ADAM32: variants seen among roughly 807,000 people sequenced by gnomAD.
ADAM32 encodes the protein disintegrin and metalloproteinase domain-containing protein 32.
In ADAM32, 89 loss-of-function variants were observed where a neutral mutation model predicts 114.9. The observed-to-expected ratio is 0.77, with a 90% CI of 0.65 to 0.92. ADAM32 has a LOEUF of 0.92. Ranked by LOEUF, ADAM32 falls within the 40% of genes least tolerant of loss-of-function variation. The probability of loss-of-function intolerance (pLI) is 0.00; values close to 1 mark genes in which losing one functional copy is unlikely to be tolerated. For synonymous variants in ADAM32, 285 were observed against 307.5 expected (o/e 0.93, Z 0.77); for missense variants, 870 against 932.8 (o/e 0.93, Z 0.88).
chr8:39,246,978 T>A (rs1810973110), intron 17 of ADAM32, among the ~76,000 whole-genome samples: 2 of 152,208 alleles, frequency 1.3e-5, no homozygotes, highest in Non-Finnish European at 2.9e-5. Flanking sequence ...GATTGGTTTC[T>A]TTCACTTAGT....
At chr8:39,244,050 C>T (rs1196911921) in intron 16 of ADAM32, among the ~76,000 whole-genome samples, 2 of 151,956 alleles carry the variant, frequency 1.3e-5, no homozygotes, top group East Asian at 3.9e-4. Context: ...GCAACAAAAC[C>T]CCCCAATATA....
chr8:39,215,474 A>G (rs1255147508), intron 12 of ADAM32, among the ~76,000 whole-genome samples: 2 of 151,922 alleles, frequency 1.3e-5, no homozygotes, highest in African/African-American at 4.8e-5. Context: ...CAGATTGTTC[A>G]CTGTTACCAT....
At chr8:39,254,814 C>T (rs948496442) in intron 18 of ADAM32, among the ~76,000 whole-genome samples, 1 of 151,592 alleles carries the variant, frequency 6.6e-6, no homozygotes. Flanking sequence ...CAGCCATCAC[C>T]CAAGCAGTGT....
intron 22 of ADAM32, among the ~76,000 whole-genome samples, chr8:39,278,161 G>A (rs905043689): frequency 2.0e-5 from 3 of 152,140 alleles, no homozygotes; most frequent in African/African-American, 7.2e-5. Flanking sequence ...CTGAAGTTAT[G>A]CCATCAAGCT....
Position 39,281,161 on chromosome 8 carries a change from G to A in ADAM32, c.2305G>A (p.Ala769Thr). ...ATCCAAATCAGAAGATAGTGCTGAA[G>A]CATATACTAGCAGGTAAGCAGGATA... ...SKSKSEDSAE[A>T]YTSRSKSQDS... Residue 769 changes from alanine to threonine, a missense_variant, in exon 23 of 25, where the codon GCA (alanine) becomes ACA (threonine). Coordinates refer to ENST00000379907, the MANE Select transcript of ADAM32 (RefSeq NM_145004.7). 7.3e-7 allele frequency: 1 copy of A among 1,373,790 alleles called. No individual in the cohort carries two copies. Among genetic ancestry groups the A allele is most frequent in the Non-Finnish European group, 9.6e-7 (1 of 1,040,830 alleles). 85.1% of individuals were successfully genotyped at this position (1,373,790 alleles called of 1,614,324 possible). A position where few individuals can be genotyped will look rare whatever the true frequency, so the allele number is the denominator to read the frequency against.
chr8:39,283,713 A>C, intron 24 of ADAM32, 89 bp downstream of exon 24: 1 of 1,036,436 alleles, frequency 9.6e-7, no homozygotes, highest in Non-Finnish European at 1.4e-6. Context: ...CTAAGTATGG[A>C]CTGGGTAGAT....
intron 7 of ADAM32, 61 bp from the exon 8 acceptor site, chr8:39,164,703 G>C: frequency 7.6e-7 from 1 of 1,318,204 alleles, no homozygotes; most frequent in Non-Finnish European, 1.0e-6. Flanking sequence ...AGATGGAAAA[G>C]AATCTTAAAA....
At chr8:39,200,178 G>A (rs1278978413) in intron 11 of ADAM32, among the ~76,000 whole-genome samples, 16 of 152,196 alleles carry the variant, frequency 1.1e-4, no homozygotes, top group African/African-American at 3.9e-4. Flanking sequence ...CTAGTTCTAG[G>A]TCCTTGAGGA....
chr8:39,232,108 A>G lies in ADAM32; in HGVS notation c.1607A>G (p.Asn536Ser), dbSNP rs1316904852. Residue 536 changes from asparagine (N) to serine (S), a missense_variant, in exon 15 of 25, where the codon AAT becomes AGT. Coordinates refer to ENST00000379907, the MANE Select transcript of ADAM32 (RefSeq NM_145004.7). ...DRFGNCGRDR[N>S]NKYVFCGWRN... ...TTTGGGAACTGTGGTAGGGATAGAA[A>G]TAACAAATATGTGTTCTGTGGATGG... 5.6e-6 allele frequency: 9 copies of G among 1,607,298 alleles called. No homozygotes were observed. Among genetic ancestry groups the G allele is most frequent in the Non-Finnish European group, 7.7e-6 (9 of 1,174,414 alleles).
chr8:39,227,837 C>G (rs1032719636), intron 14 of ADAM32, among the ~76,000 whole-genome samples: 1 of 152,180 alleles, frequency 6.6e-6, no homozygotes, highest in African/African-American at 2.4e-5. Context: ...AGCTGATGCT[C>G]TCTGGAAAGG....
chr8:39,191,176 C>T (rs1806580761), intron 11 of ADAM32, among the ~76,000 whole-genome samples: 1 of 152,174 alleles, frequency 6.6e-6, no homozygotes, highest in Non-Finnish European at 1.5e-5. Context: ...AGGTTAACTT[C>T]ATGTCTTTGC....
intron 19 of ADAM32, among the ~76,000 whole-genome samples, chr8:39,260,910 A>T (rs1811980499): frequency 6.6e-6 from 1 of 151,724 alleles, no homozygotes; most frequent in East Asian, 1.9e-4. Context: ...TTTTTTTTTA[A>T]TTGCAAGTTT....
chr8:39,211,101 C>T, intron 11 of ADAM32, 43 bp from the exon 12 acceptor site: 1 of 1,343,970 alleles, frequency 7.4e-7, no homozygotes, highest in Non-Finnish European at 9.8e-7. Context: ...AAATGTGTTT[C>T]CAGAAGTATA....
intron 9 of ADAM32, 161 bp downstream of exon 9, chr8:39,165,357 T>TAAA (rs1471346773): frequency 1.3e-5 from 7 of 550,444 alleles, no homozygotes; most frequent in Non-Finnish European, 2.1e-5. Flanking sequence ...TGTCAGGCAA[T>TAAA]AAAAAACTTT....
At chr8:39,181,108 C>G (rs1805856514) in intron 10 of ADAM32, among the ~76,000 whole-genome samples, 1 of 152,252 alleles carries the variant, frequency 6.6e-6, no homozygotes, top group South Asian at 2.1e-4. Flanking sequence ...GCAGGCTGCC[C>G]TAGCCAGCAG....
chr8:39,257,266 TG>T lies in ADAM32; in HGVS notation c.2086del (p.Val696Ter). ...TCCTCATTGCTCTTCCTATTCTCAT[TG>T]TAACAACCGCAATAGTTTTGGCAAG... ...GFLIALPILI[V>X]TTAIVLARKQ... On this transcript the variant is annotated frameshift_variant, in exon 19 of 25. Coordinates refer to ENST00000379907, the MANE Select transcript of ADAM32 (RefSeq NM_145004.7). LOFTEE classifies it high-confidence loss of function. 1 of 1,613,294 alleles carries T rather than the reference TG, an allele frequency of 6.2e-7. No homozygotes were observed.
intron 18 of ADAM32, among the ~76,000 whole-genome samples, chr8:39,256,434 A>C (rs1440200798): frequency 2.0e-5 from 3 of 151,958 alleles, no homozygotes; most frequent in African/African-American, 7.2e-5. Context: ...AATCAGAAAA[A>C]TCCATCAATT....
chr8:39,274,138 T>C (rs1564734568), intron 20 of ADAM32, among the ~76,000 whole-genome samples, 174 bp from the exon 21 acceptor site: 1 of 152,232 alleles, frequency 6.6e-6, no homozygotes, highest in Admixed American at 6.5e-5. Context: ...TATGGGTAGA[T>C]GAAAATGTTA....
intron 7 of ADAM32, among the ~76,000 whole-genome samples, chr8:39,163,877 T>G (rs1804665483): frequency 6.6e-6 from 1 of 152,212 alleles, no homozygotes; most frequent in Non-Finnish European, 1.5e-5. Flanking sequence ...TTGAGGATCC[T>G]GTGGAACATC....
Sources: gnomAD v4.1 joint callset for allele counts (sites outside exome capture counted in the v4.1 genomes callset) on GRCh38, gnomAD v4.1.1 for gene constraint, MANE v1.5 for transcripts, NCBI Gene and HGNC (gene_info 2026-07-23, HGNC 2026-07-21) for gene names.